Variants in ATRIP observed in about 807,000 individuals in gnomAD.
ATRIP encodes the protein ATR-interacting protein.
Under a neutral mutation model 78.1 loss-of-function variants are expected in ATRIP, and 44 were observed. That is an observed-to-expected ratio of 0.56 (90% CI 0.44 to 0.72). ATRIP has a LOEUF of 0.72. ATRIP is among the 30% of genes least tolerant of loss of function. ATRIP has a pLI of 0.00. For missense variants in ATRIP, 927 were observed against 980.2 expected, an observed-to-expected ratio of 0.95 and a Z score of 0.72; for synonymous variants, 388 against 408.9, an observed-to-expected ratio of 0.95 and a Z score of 0.62.
At chr3:48,454,962 A>G (rs921736814) in intron 4 of ATRIP, among the ~76,000 whole-genome samples, 2 of 151,534 alleles carry the variant, frequency 1.3e-5, no homozygotes, top group Admixed American at 1.3e-4. Context: ...TCCTGGGTTC[A>G]AGCAATTCTC....
intron 5 of ATRIP, among the ~76,000 whole-genome samples, chr3:48,458,283 A>G (rs533657736): frequency 1.3e-5 from 2 of 150,900 alleles, no homozygotes; most frequent in African/African-American, 4.9e-5. Flanking sequence ...GACCATGCCA[A>G]AAACCTAGCT....
At chr3:48,455,993 C>T (rs1006061944) in intron 4 of ATRIP, among the ~76,000 whole-genome samples, 4 of 151,978 alleles carry the variant, frequency 2.6e-5, no homozygotes, top group Admixed American at 1.3e-4. Context: ...TGGTGGCATG[C>T]GCCTGTAATC....
intron 5 of ATRIP, 96 bp downstream of exon 5, chr3:48,457,512 CA>C: frequency 2.0e-6 from 2 of 1,007,690 alleles, no homozygotes; most frequent in Non-Finnish European, 2.7e-6. Context: ...CTGTGATCAG[CA>C]ATTCTGACAA....
chr3:48,455,832 C>G (rs2039941447), intron 4 of ATRIP, among the ~76,000 whole-genome samples: 1 of 151,858 alleles, frequency 6.6e-6, no homozygotes, highest in Non-Finnish European at 1.5e-5. Context: ...ATCGTTTGTT[C>G]CACATTGGCT....
At chr3:48,447,335 T>C in intron 1 of ATRIP, 1 of 1,196,608 alleles carries the variant, frequency 8.4e-7, no homozygotes. Context: ...TTACGTTATT[T>C]TCTAAAGTTT....
At chr3:48,451,975 T>C in intron 3 of ATRIP, 76 bp downstream of exon 3, 1 of 1,371,812 alleles carries the variant, frequency 7.3e-7, no homozygotes, top group Non-Finnish European at 9.9e-7. Flanking sequence ...CTGTAAATCT[T>C]CCAGGGAGAT....
chr3:48,465,966 C>T lies in ATRIP; in HGVS notation c.*412C>T. The T allele has an allele frequency of 3.4e-6, 1 of 292,856 alleles. No homozygotes were observed. The highest frequency in any genetic ancestry group is 6.7e-6 in the Non-Finnish European group (1 of 149,470). The allele number at this position is 292,856 out of a possible 1,614,324, so 18.1% of individuals were successfully genotyped here. A position where few individuals can be genotyped will look rare whatever the true frequency, so the allele number is the denominator to read the frequency against. On this transcript the variant is annotated 3_prime_UTR_variant, in exon 13 of 13. Transcript: ENST00000320211. ...GGGCATGAAAGGGCCGCAGCAGGGG[C>T]TCCCAGCAGTGTGTAAGACCGGGAG...
rs368911609 is a variant in ATRIP at position 48,450,105 on chromosome 3, G to C, written c.316G>C (p.Val106Leu). Reference sequence around the variant, plus strand: ...TCCTTCAGGGAAAAACAGAGAAACTGTTCCAATTAAAGATAATTTCGAATT... The same window carrying C: ...TCCTTCAGGGAAAAACAGAGAAACTCTTCCAATTAAAGATAATTTCGAATT... ...KNPSGKNRET[V>L]PIKDNFELEV... Residue 106 changes from valine to leucine, a missense_variant, in exon 2 of 13, where the codon GTT becomes CTT. Transcript: ENST00000320211. 6 of 1,613,254 alleles carry C rather than the reference G, an allele frequency of 3.7e-6. No individual in the cohort carries two copies. Among genetic ancestry groups the C allele is most frequent in the Non-Finnish European group, 5.1e-6 (6 of 1,179,532 alleles).
At chr3:48,449,433 AAG>A (rs1200731576) in intron 1 of ATRIP, among the ~76,000 whole-genome samples, 2 of 150,376 alleles carry the variant, frequency 1.3e-5, no homozygotes, top group Non-Finnish European at 3.0e-5. Context: ...AAAAAAAAAA[AAG>A]AAGGATCATT....
rs2040201354 is a variant in ATRIP at position 48,464,188 on chromosome 3, C to G, written c.1974+56C>G. 2.1e-6 allele frequency: 3 copies of G among 1,408,370 alleles called. No individual in the cohort carries two copies. The African/African-American group carries it at 4.3e-5, about 20-fold the overall frequency. The allele number at this position is 1,408,370 out of a possible 1,614,324, so 87.2% of individuals were successfully genotyped here. On this transcript the variant is annotated intron_variant, in intron 10 of 12. Transcript: ENST00000320211. ...GTCCCCACCCCATCCTAAGAACCAA[C>G]AGAATCTCCTTTCTTTCCGCTGAGG...
rs145611247 is a variant in ATRIP, at chr3:48,446,815, C to T, written c.-31C>T. The T allele has an allele frequency of 2.6e-3, 3,591 of 1,382,372 alleles. 75 individuals are homozygous for T. The African/African-American group carries it at 0.046, about 18-fold the overall frequency. The allele number at this position is 1,382,372 out of a possible 1,614,324, so 85.6% of individuals were successfully genotyped here. On this transcript the variant is annotated 5_prime_UTR_variant, in exon 1 of 13. Coordinates refer to ENST00000320211, the MANE Select transcript of ATRIP (RefSeq NM_130384.3). ...CTGGCGGCAGGCAAGTCTAGCTCGG[C>T]GCTGTCGGATACTTGGGGTGAGCGG...
At chr3:48,451,963 G>T in intron 3 of ATRIP, 64 bp downstream of exon 3, 1 of 1,463,204 alleles carries the variant, frequency 6.8e-7, no homozygotes, top group Non-Finnish European at 9.2e-7. Flanking sequence ...GACCAGGGTT[G>T]CCTGTAAATC....
At chr3:48,450,000 T>G in intron 1 of ATRIP, 37 bp from the exon 2 acceptor site, 1 of 1,548,094 alleles carries the variant, frequency 6.5e-7, no homozygotes, top group Non-Finnish European at 8.7e-7. Context: ...TGGGAAAATA[T>G]TGGGTCCTGA....
chr3:48,464,149 C>A lies in ATRIP; in HGVS notation c.1974+17C>A, dbSNP rs138467436. ...GAACAAGAGGTAAAAACTCCAGAGC[C>A]CCTTCTGGACACTGTCCCCACCCCA... On this transcript the variant is annotated intron_variant, in intron 10 of 12. Transcript: ENST00000320211. The A allele has an allele frequency of 1.3e-6, 2 of 1,580,814 alleles. No homozygotes were observed. The highest frequency in any genetic ancestry group is 1.7e-6 in the Non-Finnish European group (2 of 1,150,190).
rs775617530 is a variant in ATRIP, at chr3:48,464,999, G to A, written c.2224G>A (p.Val742Met). 4.3e-6 allele frequency: 7 copies of A among 1,613,956 alleles called. No homozygotes were observed. Among genetic ancestry groups the A allele is most frequent in the East Asian group, 4.5e-5 (2 of 44,896 alleles). Reference sequence around the variant, plus strand: ...GGACAAGCTCTTCATGATGCACTGCGTGGAGGTCCTGCATCAGTTTGACCA... The same window carrying A: ...GGACAAGCTCTTCATGATGCACTGCATGGAGGTCCTGCATCAGTTTGACCA... ...QKDKLFMMHC[V>M]EVLHQFDQVM... The change falls in exon 12 of 13, where the codon GTG becomes ATG. Residue 742 changes from valine to methionine, a missense_variant. Coordinates refer to ENST00000320211, the MANE Select transcript of ATRIP (RefSeq NM_130384.3).
rs1194086379 is a variant in ATRIP, at chr3:48,467,525, A to G, written c.*1971A>G. 6.2e-7 allele frequency: 1 copy of G among 1,613,538 alleles called. No individual in the cohort carries two copies. Among genetic ancestry groups the G allele is most frequent in the African/African-American group, 1.3e-5 (1 of 74,916 alleles). On this transcript the variant is annotated 3_prime_UTR_variant, in exon 13 of 13. Transcript: ENST00000320211. ...TATCCAGGGAGGGGCTGCTGGCCCC[A>G]CTGGGTCTGCTGGCCATCCTGACCT...
chr3:48,452,565 T>C (rs543785351), intron 3 of ATRIP, among the ~76,000 whole-genome samples: 5 of 152,034 alleles, frequency 3.3e-5, no homozygotes, highest in Non-Finnish European at 5.9e-5. Flanking sequence ...CATGGTGGTG[T>C]GCACCTGTAG....
chr3:48,457,776 T>C (rs1413713009), intron 5 of ATRIP, among the ~76,000 whole-genome samples: 1 of 152,226 alleles, frequency 6.6e-6, no homozygotes, highest in Non-Finnish European at 1.5e-5. Context: ...CAGCATCCCC[T>C]CTGCCACATT....
intron 1 of ATRIP, 38 bp from the exon 2 acceptor site, chr3:48,449,999 A>G: frequency 6.4e-7 from 1 of 1,554,400 alleles, no homozygotes; most frequent in Non-Finnish European, 8.7e-7. Flanking sequence ...GTGGGAAAAT[A>G]TTGGGTCCTG....
Sources: gnomAD v4.1 joint callset for allele counts (sites outside exome capture counted in the v4.1 genomes callset) on GRCh38, gnomAD v4.1.1 for gene constraint, MANE v1.5 for transcripts, NCBI Gene and HGNC (gene_info 2026-07-23, HGNC 2026-07-21) for gene names.